The following FUT8 variants were observed in gnomAD, a reference collection of about 807,000 sequenced individuals.
FUT8 encodes alpha-(1,6)-fucosyltransferase.
In FUT8, 29 loss-of-function variants were observed where a neutral mutation model predicts 71.3. That is an observed-to-expected ratio of 0.41 (90% CI 0.30 to 0.55). The LOEUF is 0.55. Ranked by LOEUF, FUT8 falls within the 20% of genes least tolerant of loss-of-function variation. The pLI, the probability that FUT8 is intolerant of heterozygous loss-of-function variation, is 0.34. For synonymous variants in FUT8, 254 were observed against 239.3 expected, an observed-to-expected ratio of 1.06 and a Z score of -0.57; for missense variants, 544 against 702.1, an observed-to-expected ratio of 0.77 and a Z score of 2.55.
At chr14:65,736,972 C>T (rs1324886322) in intron 10 of FUT8, among the ~76,000 whole-genome samples, 1 of 151,974 alleles carries the variant, frequency 6.6e-6, no homozygotes, top group African/African-American at 2.4e-5. Flanking sequence ...AAAGAGTTGA[C>T]CTGTTGACCA....
rs190915832 is a variant in FUT8, at chr14:65,584,117, G to A, written c.203+22351G>A. Among the ~76,000 whole-genome samples, 15 of 150,468 alleles carry A rather than the reference G, an allele frequency of 1.0e-4. 1 individual carries two copies. In the East Asian group the frequency reaches 2.5e-3, roughly 25 times the overall value. On this transcript the variant is annotated intron_variant, in intron 3 of 10. Transcript: ENST00000673929. ...TCTCAATCTCCTGACCTTGTGATCC[G>A]CCCGCCTCTACCTCCACCTCCCAAA... is the stretch of plus-strand genomic sequence containing the variant.
chr14:65,740,599 C>T (rs901053071), intron 10 of FUT8, among the ~76,000 whole-genome samples: 1 of 151,986 alleles, frequency 6.6e-6, no homozygotes, highest in African/African-American at 2.4e-5. Flanking sequence ...GGGGAGGTCT[C>T]AGGCAACTTA....
At chr14:65,388,426 G>A in the FUT8 span, among the ~76,000 whole-genome samples, 1 of 152,122 alleles carries the variant, frequency 6.6e-6, no homozygotes, top group Non-Finnish European at 1.5e-5. Context: ...ACCTAATAAG[G>A]AAAACTAATT....
intron 3 of FUT8, among the ~76,000 whole-genome samples, chr14:65,593,488 C>T (rs1479967199): frequency 2.0e-5 from 3 of 151,832 alleles, no homozygotes; most frequent in African/African-American, 4.8e-5. Flanking sequence ...TGTAGAATAC[C>T]CATGTAAGGG....
chr14:65,646,950 G>A (rs1176369975), intron 6 of FUT8, among the ~76,000 whole-genome samples: 1 of 152,170 alleles, frequency 6.6e-6, no homozygotes, highest in African/African-American at 2.4e-5. Flanking sequence ...GGATGTTTGT[G>A]TACTTGGATT....
chr14:65,411,225 T>A (rs141668187), upstream of FUT8: 61 of 152,376 alleles, frequency 4.0e-4, no homozygotes, highest in African/African-American at 1.3e-3. Flanking sequence ...AGAACATAAT[T>A]CTGGCTCTGC....
At chr14:65,427,126 T>C (rs988798386) in intron 1 of FUT8, among the ~76,000 whole-genome samples, 1 of 152,160 alleles carries the variant, frequency 6.6e-6, no homozygotes, top group Admixed American at 6.5e-5. Flanking sequence ...CCTCCTGAAG[T>C]GCTGGGATTA....
chr14:65,385,870 G>T, the FUT8 span, among the ~76,000 whole-genome samples: 2 of 151,988 alleles, frequency 1.3e-5, no homozygotes, highest in Admixed American at 6.6e-5. Flanking sequence ...AAGAAGTTCA[G>T]TCCAGCCATG....
chr14:65,420,589 G>A (rs933463385), intron 1 of FUT8, among the ~76,000 whole-genome samples: 1 of 151,850 alleles, frequency 6.6e-6, no homozygotes, highest in Non-Finnish European at 1.5e-5. Flanking sequence ...TGCACGGTTG[G>A]AAAATAAGAT....
At chr14:65,647,900 A>G (rs1192751573) in intron 6 of FUT8, among the ~76,000 whole-genome samples, 3 of 151,832 alleles carry the variant, frequency 2.0e-5, no homozygotes, top group Non-Finnish European at 4.4e-5. Flanking sequence ...AAGAAGTCTC[A>G]GAAGTTATAT....
the FUT8 span, among the ~76,000 whole-genome samples, chr14:65,360,494 G>A: frequency 6.6e-6 from 1 of 152,216 alleles, no homozygotes; most frequent in African/African-American, 2.4e-5. Context: ...ATACTTCAGA[G>A]GACTGGCCTA....
At chr14:65,461,433 G>A (rs1222460054) in intron 2 of FUT8, among the ~76,000 whole-genome samples, 1 of 152,134 alleles carries the variant, frequency 6.6e-6, no homozygotes, top group Non-Finnish European at 1.5e-5. Flanking sequence ...TCAGTATAGG[G>A]GACATGTAGT....
At chr14:65,451,081 C>A (rs1043762912) in intron 1 of FUT8, among the ~76,000 whole-genome samples, 1 of 152,192 alleles carries the variant, frequency 6.6e-6, no homozygotes, top group Non-Finnish European at 1.5e-5. Context: ...TGGTCTTGAT[C>A]TCCTGACCTC....
intron 2 of FUT8, among the ~76,000 whole-genome samples, chr14:65,554,043 A>G (rs1207808115): frequency 6.6e-6 from 1 of 152,036 alleles, no homozygotes; most frequent in Admixed American, 6.6e-5. Context: ...CACCTGCACT[A>G]GATCATTGGA....
At chr14:65,393,523 G>A in the FUT8 span, among the ~76,000 whole-genome samples, 1 of 152,332 alleles carries the variant, frequency 6.6e-6, no homozygotes, top group South Asian at 2.1e-4. Context: ...GGCTGCATAG[G>A]TGGATTTTTT....
intron 2 of FUT8, among the ~76,000 whole-genome samples, chr14:65,535,153 G>A (rs1884217503): frequency 6.6e-6 from 1 of 151,582 alleles, no homozygotes. Context: ...AGGCTGGAAT[G>A]CTATGGCACG....
At chr14:65,711,989 C>G (rs899172400) in intron 7 of FUT8, among the ~76,000 whole-genome samples, 2 of 152,130 alleles carry the variant, frequency 1.3e-5, no homozygotes, top group African/African-American at 2.4e-5. Flanking sequence ...CTGGTGAATA[C>G]ATTTTAAACA....
intron 2 of FUT8, among the ~76,000 whole-genome samples, chr14:65,459,267 A>G (rs1346970681): frequency 6.6e-6 from 1 of 152,172 alleles, no homozygotes; most frequent in Non-Finnish European, 1.5e-5. Context: ...TTAAACCACA[A>G]TTCTAAGGTC....
intron 2 of FUT8, among the ~76,000 whole-genome samples, chr14:65,548,909 G>A (rs763918880): frequency 2.6e-5 from 4 of 151,996 alleles, no homozygotes; most frequent in Admixed American, 6.6e-5. Flanking sequence ...AAAAATGGGC[G>A]AAAGATCTCA....
Sources: allele counts gnomAD v4.1 joint callset (sites outside exome capture counted in the v4.1 genomes callset), GRCh38; gene constraint gnomAD v4.1.1; transcripts MANE v1.5; gene names NCBI Gene and HGNC (gene_info 2026-07-23, HGNC 2026-07-21).